Variants in FHIT observed in about 807,000 individuals in gnomAD.
FHIT encodes the protein bis(5'-adenosyl)-triphosphatase.
FHIT carries 19 observed loss-of-function variants against 17.9 expected under a neutral mutation model. That is an observed-to-expected ratio of 1.06 (90% CI 0.74 to 1.56). FHIT has a LOEUF of 1.56. FHIT is among the 40% of genes most tolerant of loss of function. FHIT has a pLI of 0.00. For missense variants in FHIT, 248 were observed against 189.2 expected, an observed-to-expected ratio of 1.31 and a Z score of -1.82; for synonymous variants, 81 against 69.7, an observed-to-expected ratio of 1.16 and a Z score of -0.81.
intron 5 of FHIT, among the ~76,000 whole-genome samples, chr3:60,116,317 AC>A (rs1193512858): frequency 6.6e-6 from 1 of 152,166 alleles, no homozygotes; most frequent in Non-Finnish European, 1.5e-5. Flanking sequence ...GTGGTGTGTA[AC>A]TTTTATATGA....
intron 4 of FHIT, among the ~76,000 whole-genome samples, chr3:60,797,367 A>G (rs1701017678): frequency 6.6e-6 from 1 of 152,148 alleles, no homozygotes; most frequent in African/African-American, 2.4e-5. Flanking sequence ...CTTTTGTGGT[A>G]GGGACAGGAT....
At chr3:60,252,756 C>T (rs35184553) in intron 5 of FHIT, among the ~76,000 whole-genome samples, 3 of 151,726 alleles carry the variant, frequency 2.0e-5, no homozygotes, top group Non-Finnish European at 2.9e-5. Flanking sequence ...TTTGGGAGGC[C>T]GAGGCCGGTG....
intron 3 of FHIT, among the ~76,000 whole-genome samples, chr3:60,915,178 T>C (rs1039399773): frequency 5.9e-5 from 9 of 152,282 alleles, no homozygotes; most frequent in African/African-American, 1.7e-4. Flanking sequence ...TCTTTGCCCC[T>C]ACTCACACCA....
intron 5 of FHIT, among the ~76,000 whole-genome samples, chr3:60,515,859 C>A (rs991967457): frequency 3.3e-5 from 5 of 152,178 alleles, no homozygotes; most frequent in African/African-American, 1.2e-4. Flanking sequence ...CCAGGGCTTG[C>A]TCTTGTAAGA....
intron 3 of FHIT, among the ~76,000 whole-genome samples, chr3:60,896,555 C>T (rs79258497): frequency 0.031 from 4,718 of 152,174 alleles, 236 homozygotes; most frequent in African/African-American, 0.11. Context: ...TCAGAATTGT[C>T]CCACAAATAA....
At chr3:60,540,011 A>T (rs1271244371) in intron 4 of FHIT, among the ~76,000 whole-genome samples, 1 of 151,876 alleles carries the variant, frequency 6.6e-6, no homozygotes. Flanking sequence ...AAGCAGGATT[A>T]TAGGGCCAGA....
chr3:60,869,604 A>C (rs2107056684), intron 3 of FHIT, among the ~76,000 whole-genome samples: 1 of 152,254 alleles, frequency 6.6e-6, no homozygotes, highest in East Asian at 1.9e-4. Context: ...TCGGTGTCTA[A>C]CTCTAATTCA....
intron 5 of FHIT, among the ~76,000 whole-genome samples, chr3:60,129,297 C>G (rs1392582623): frequency 6.6e-6 from 1 of 152,028 alleles, no homozygotes; most frequent in Non-Finnish European, 1.5e-5. Flanking sequence ...ATGATCCGAC[C>G]TCTCAAAGTG....
intron 5 of FHIT, among the ~76,000 whole-genome samples, chr3:60,100,107 A>C (rs899560995): frequency 6.6e-6 from 1 of 152,170 alleles, no homozygotes; most frequent in Non-Finnish European, 1.5e-5. Context: ...TGTTCTCACC[A>C]GTCTCAATAT....
At position 61,096,712 on chromosome 3, in the gene FHIT, TA is replaced by T. The variant is rs376753860; in HGVS notation, c.-163-54614del. On this transcript the variant is annotated intron_variant, in intron 2 of 9. Coordinates refer to ENST00000492590, the MANE Select transcript of FHIT (RefSeq NM_002012.4). ...GTGAGGTAGCAATGCCTGACAAAAG[TA>T]GATGTTCATGCTTTGTGCTAGAAGA... Among the ~76,000 whole-genome samples, 266 of 152,276 alleles carry T rather than the reference TA, an allele frequency of 1.7e-3. 4 individuals carry two copies. Among genetic ancestry groups the T allele is most frequent in the African/African-American group, 6.1e-3 (255 of 41,544 alleles).
At chr3:60,200,482 T>C (rs569264523) in intron 5 of FHIT, among the ~76,000 whole-genome samples, 31 of 152,226 alleles carry the variant, frequency 2.0e-4, no homozygotes, top group African/African-American at 7.2e-4. Flanking sequence ...ATGACCAAAA[T>C]TACTTTTAGA....
intron 5 of FHIT, among the ~76,000 whole-genome samples, chr3:60,347,906 C>A (rs1710877184): frequency 6.6e-6 from 1 of 151,878 alleles, no homozygotes; most frequent in Non-Finnish European, 1.5e-5. Context: ...TTACAGGCGC[C>A]CACCACCATG....
At position 60,068,238 on chromosome 3, in the gene FHIT, AAAAAC is replaced by A. The variant is rs879839534; in HGVS notation, c.104-54091_104-54087del. 4.3e-3 allele frequency among the ~76,000 whole-genome samples: 658 copies of A among 152,280 alleles called. 4 individuals are homozygous for A. Among genetic ancestry groups the A allele is most frequent in the Non-Finnish European group, 5.4e-3 (369 of 68,030 alleles). On this transcript the variant is annotated intron_variant, in intron 5 of 9. Coordinates refer to ENST00000492590, the MANE Select transcript of FHIT (RefSeq NM_002012.4). ...CAACAGAGCGAGACTCTGCCTCAAA[AAAAAC>A]AAAACAAAACAAAACAAAAAGCATT...
intron 3 of FHIT, among the ~76,000 whole-genome samples, chr3:60,840,408 A>G (rs1293640841): frequency 6.6e-6 from 1 of 152,206 alleles, no homozygotes; most frequent in Non-Finnish European, 1.5e-5. Context: ...TGCCAGCCCC[A>G]TATTCTGCGA....
chr3:61,105,353 A>C (rs763231102), intron 2 of FHIT, among the ~76,000 whole-genome samples: 1 of 152,028 alleles, frequency 6.6e-6, no homozygotes, highest in Non-Finnish European at 1.5e-5. Flanking sequence ...CTCAGCTTCC[A>C]ACTCATGGAC....
At chr3:61,080,325 T>C (rs1278574190) in intron 2 of FHIT, among the ~76,000 whole-genome samples, 3 of 152,170 alleles carry the variant, frequency 2.0e-5, no homozygotes, top group African/African-American at 7.2e-5. Flanking sequence ...AGTTTTAAAA[T>C]AGTTTCCTCA....
At chr3:60,167,616 T>G (rs1410551789) in intron 5 of FHIT, among the ~76,000 whole-genome samples, 3 of 152,250 alleles carry the variant, frequency 2.0e-5, no homozygotes, top group Non-Finnish European at 4.4e-5. Context: ...TGTTCTGATA[T>G]CTGTGAATGA....
chr3:59,759,432 C>T (rs1258838044), intron 8 of FHIT, among the ~76,000 whole-genome samples: 1 of 152,124 alleles, frequency 6.6e-6, no homozygotes, highest in Non-Finnish European at 1.5e-5. Context: ...GCGTCATGGC[C>T]ACTAAGTGAG....
intron 1 of FHIT, among the ~76,000 whole-genome samples, chr3:61,218,874 C>T (rs1367145739): frequency 6.6e-6 from 1 of 152,122 alleles, no homozygotes; most frequent in Non-Finnish European, 1.5e-5. Flanking sequence ...CATTGAAAAC[C>T]CCAGATTCTA....
Sources: gnomAD v4.1 joint callset for allele counts (sites outside exome capture counted in the v4.1 genomes callset) on GRCh38, gnomAD v4.1.1 for gene constraint, MANE v1.5 for transcripts, NCBI Gene and HGNC (gene_info 2026-07-23, HGNC 2026-07-21) for gene names.